The following DLG2 variants were observed in gnomAD, a reference collection of about 807,000 sequenced individuals.
DLG2 encodes the protein disks large homolog 2.
Under a neutral mutation model 132.5 loss-of-function variants are expected in DLG2, and 45 were observed. The ratio of observed to expected loss-of-function variants is 0.34; its 90% CI spans 0.27 to 0.44. The LOEUF (loss-of-function observed/expected upper bound fraction) is 0.44, where lower values mean the gene tolerates loss of function less well. DLG2 is among the 20% of genes least tolerant of loss of function. The pLI, the probability that DLG2 is intolerant of heterozygous loss-of-function variation, is 1.00. For synonymous variants in DLG2, 424 were observed against 419.6 expected (o/e 1.01, Z -0.13); for missense variants, 1,045 against 1,196.9 (o/e 0.87, Z 1.87).
At chr11:83,858,675 G>C (rs2060942154) in intron 16 of DLG2, among the ~76,000 whole-genome samples, 2 of 152,138 alleles carry the variant, frequency 1.3e-5, no homozygotes, top group South Asian at 4.1e-4. Context: ...TCTCCATAGT[G>C]ATGTGTGTTT....
intron 8 of DLG2, among the ~76,000 whole-genome samples, chr11:84,194,446 G>A (rs2096475551): frequency 1.3e-5 from 2 of 152,158 alleles, no homozygotes; most frequent in African/African-American, 4.8e-5. Context: ...CAGACCCAAA[G>A]AGTGAGCAGC....
chr11:83,647,401 A>G (rs1159848997), intron 18 of DLG2: 1 of 152,128 alleles, frequency 6.6e-6, no homozygotes, highest in Non-Finnish European at 1.5e-5. Flanking sequence ...AGTCTTTCCA[A>G]AGAGGAAACA....
At chr11:84,662,395 G>A (rs1378842758) in intron 6 of DLG2, among the ~76,000 whole-genome samples, 2 of 151,878 alleles carry the variant, frequency 1.3e-5, no homozygotes, top group East Asian at 2.0e-4. Context: ...GGCTGGTCTC[G>A]AACTCCCGAC....
chr11:84,444,801 C>CTTTTTTTTTTTTTTT (rs555951100), intron 7 of DLG2, among the ~76,000 whole-genome samples: 1 of 139,596 alleles, frequency 7.2e-6, no homozygotes. Context: ...TTATTGTATA[C>CTTTTTTTTTTTTTTT]TTTTTTTTTT....
intron 6 of DLG2, among the ~76,000 whole-genome samples, chr11:84,665,922 A>T (rs539175126): frequency 4.6e-5 from 7 of 152,280 alleles, no homozygotes; most frequent in South Asian, 4.1e-4. Flanking sequence ...CTTAGTCTAC[A>T]GTTTTATTTT....
At chr11:83,467,842 C>CAT (rs72288955) in intron 25 of DLG2, among the ~76,000 whole-genome samples, 1,559 of 117,616 alleles carry the variant, frequency 0.013, 19 homozygotes, top group East Asian at 0.026. Flanking sequence ...ATAATTAAAA[C>CAT]ATATATATAT....
chr11:84,646,114 A>G (rs1298570609), intron 6 of DLG2, among the ~76,000 whole-genome samples: 1 of 152,208 alleles, frequency 6.6e-6, no homozygotes, highest in Non-Finnish European at 1.5e-5. Flanking sequence ...GGGCTCTTAA[A>G]AATTTTCAAG....
At chr11:84,289,520 C>T (rs1599153028) in intron 7 of DLG2, among the ~76,000 whole-genome samples, 1 of 152,116 alleles carries the variant, frequency 6.6e-6, no homozygotes, top group African/African-American at 2.4e-5. Context: ...GACTCACTCT[C>T]TCAGTATGAG....
rs2099517638 is a variant in DLG2, at chr11:84,581,954, A to G, written c.358-47223T>C. Among the ~76,000 whole-genome samples, 3 of 151,736 alleles carry G rather than the reference A, an allele frequency of 2.0e-5. No homozygotes were observed. The South Asian group carries it at 6.2e-4, about 32-fold the overall frequency. ...AAAGAAAGGAAAGAAAAAAGGGAAA[A>G]CTGTTTTAAAAATATCAACATTGAT... On this transcript the variant is annotated intron_variant, in intron 6 of 27. Coordinates refer to ENST00000376104, the MANE Select transcript of DLG2 (RefSeq NM_001142699.3).
At chr11:85,052,879 C>G (rs1236557339) in intron 6 of DLG2, among the ~76,000 whole-genome samples, 1 of 152,150 alleles carries the variant, frequency 6.6e-6, no homozygotes, top group East Asian at 1.9e-4. Flanking sequence ...TTGTATAGTT[C>G]TGTGTTTAGT....
At chr11:84,836,512 T>C (rs1454689047) in intron 6 of DLG2, among the ~76,000 whole-genome samples, 1 of 151,770 alleles carries the variant, frequency 6.6e-6, no homozygotes, top group Non-Finnish European at 1.5e-5. Context: ...TCAAAGCCCT[T>C]GTCTTTTTAT....
chr11:84,665,206 C>T (rs552475691), intron 6 of DLG2, among the ~76,000 whole-genome samples: 32 of 152,216 alleles, frequency 2.1e-4, no homozygotes, highest in African/African-American at 7.2e-4. Context: ...AGCTGACCAA[C>T]ACATTGATAA....
chr11:84,817,349 C>A (rs889321667), intron 6 of DLG2, among the ~76,000 whole-genome samples: 2 of 151,948 alleles, frequency 1.3e-5, no homozygotes, highest in African/African-American at 4.8e-5. Flanking sequence ...TGTCTGTACA[C>A]CAAGGACCTA....
intron 12 of DLG2, among the ~76,000 whole-genome samples, chr11:83,979,874 T>C (rs1454715894): frequency 1.3e-5 from 2 of 152,152 alleles, no homozygotes; most frequent in African/African-American, 4.8e-5. Context: ...CTCTCCCTAA[T>C]AGGAGACACA....
chr11:83,673,655 C>A (rs1424630113), intron 18 of DLG2, among the ~76,000 whole-genome samples: 1 of 152,184 alleles, frequency 6.6e-6, no homozygotes, highest in Non-Finnish European at 1.5e-5. Flanking sequence ...TTCACCATGC[C>A]AGCACCTAAT....
chr11:84,989,278 C>G (rs2154124021), intron 6 of DLG2, among the ~76,000 whole-genome samples: 1 of 152,242 alleles, frequency 6.6e-6, no homozygotes, highest in South Asian at 2.1e-4. Flanking sequence ...CAGGTTCAAG[C>G]AATTCTCCTG....
intron 15 of DLG2, among the ~76,000 whole-genome samples, chr11:83,923,252 A>T (rs755042451): frequency 1.9e-4 from 29 of 152,150 alleles, no homozygotes; most frequent in Non-Finnish European, 8.8e-5. Flanking sequence ...AATAATGACT[A>T]ATGTGGCTAG....
intron 15 of DLG2, among the ~76,000 whole-genome samples, chr11:83,911,736 A>G (rs2076090931): frequency 1.3e-5 from 2 of 152,132 alleles, no homozygotes; most frequent in Non-Finnish European, 2.9e-5. Context: ...GTTCTCTAAT[A>G]AGGCTAGCGT....
chr11:84,025,014 C>A (rs1472427267), intron 11 of DLG2, among the ~76,000 whole-genome samples: 1 of 151,850 alleles, frequency 6.6e-6, no homozygotes, highest in East Asian at 1.9e-4. Context: ...TAAATTTATA[C>A]AATTATAAGT....
Sources: allele counts gnomAD v4.1 joint callset (sites outside exome capture counted in the v4.1 genomes callset), GRCh38; gene constraint gnomAD v4.1.1; transcripts MANE v1.5; gene names NCBI Gene and HGNC (gene_info 2026-07-23, HGNC 2026-07-21).